The following DLG1 variants were observed in gnomAD, a reference collection of about 807,000 sequenced individuals.
The protein encoded by DLG1 is disks large homolog 1.
Under a neutral mutation model 123.4 loss-of-function variants are expected in DLG1, and 42 were observed. The ratio of observed to expected loss-of-function variants is 0.34; its 90% CI spans 0.27 to 0.44. DLG1 has a LOEUF of 0.44. Among genes scored for constraint, DLG1 ranks in the 20% least tolerant of loss-of-function variants. DLG1 has a pLI of 1.00. For missense variants in DLG1, 942 were observed against 1,082.6 expected (o/e 0.87, Z 1.82); for synonymous variants, 317 against 356.2 (o/e 0.89, Z 1.24).
rs374871639 is a variant in DLG1, at chr3:197,069,284, A to C, written c.2006-24T>G. 1.9e-6 allele frequency: 3 copies of C among 1,552,680 alleles called. No homozygotes were observed. In the South Asian group the frequency reaches 3.6e-5, roughly 18 times the overall value. On this transcript the variant is annotated intron_variant, in intron 18 of 24. Transcript: ENST00000667157. ...CTCTGAAATTGCAGGACAATGAAAA[A>C]AAATAAAACAGTGTCATGAGTTTAA...
chr3:197,283,336 T>C (rs893653320), intron 3 of DLG1, among the ~76,000 whole-genome samples: 7 of 152,174 alleles, frequency 4.6e-5, no homozygotes, highest in African/African-American at 1.7e-4. Context: ...GTGGTTTTAA[T>C]TGCCCTTCTA....
In DLG1 at chr3:197,044,652, T is replaced by C. The variant is rs1721679523; in HGVS notation, c.2653A>G (p.Ile885Val). ...QIIEEQSGSY[I>V]WVPAKEKL ...AGCTTTTCTTTTGCCGGAACCCAGA[T>C]GTAAGAACCAGATTGTTCTTCTATG... is the stretch of plus-strand genomic sequence containing the variant. The change falls in exon 25 of 25, where the codon ATC (isoleucine) becomes GTC (valine). Residue 885 changes from isoleucine (I) to valine (V), a missense_variant. Ile to Val is a conservative substitution (Grantham distance 29). Coordinates refer to ENST00000667157, the MANE Select transcript of DLG1 (RefSeq NM_001366207.1). 1.2e-6 allele frequency: 2 copies of C among 1,609,868 alleles called. No homozygotes were observed. Among genetic ancestry groups the C allele is most frequent in the East Asian group, 2.2e-5 (1 of 44,656 alleles).
chr3:197,267,045 C>G (rs1020527874), intron 4 of DLG1, among the ~76,000 whole-genome samples: 1 of 152,120 alleles, frequency 6.6e-6, no homozygotes, highest in African/African-American at 2.4e-5. Flanking sequence ...AAATTCAAGA[C>G]AGAGGTTAAT....
At chr3:197,184,855 A>G (rs1175299947) in intron 5 of DLG1, among the ~76,000 whole-genome samples, 1 of 152,208 alleles carries the variant, frequency 6.6e-6, no homozygotes, top group Non-Finnish European at 1.5e-5. Flanking sequence ...ACATATTCTA[A>G]CATCTAATAT....
intron 4 of DLG1, among the ~76,000 whole-genome samples, chr3:197,255,460 T>TA (rs1164134780): frequency 6.6e-6 from 1 of 152,178 alleles, no homozygotes; most frequent in Admixed American, 6.5e-5. Context: ...TTTGTCCTAT[T>TA]AAACAAAAAC....
At chr3:197,222,689 G>A (rs918456723) in intron 4 of DLG1, among the ~76,000 whole-genome samples, 3 of 152,142 alleles carry the variant, frequency 2.0e-5, no homozygotes, top group Non-Finnish European at 4.4e-5. Flanking sequence ...CAATAAAATA[G>A]AATCGCCAAG....
At chr3:197,126,221 A>G (rs1309845766) in intron 11 of DLG1, among the ~76,000 whole-genome samples, 1 of 152,182 alleles carries the variant, frequency 6.6e-6, no homozygotes, top group Non-Finnish European at 1.5e-5. Flanking sequence ...CATGCCTATA[A>G]TCCCAGCGCT....
chr3:197,138,054 G>T (rs952749042), intron 9 of DLG1, among the ~76,000 whole-genome samples, 168 bp downstream of exon 9: 1 of 151,804 alleles, frequency 6.6e-6, no homozygotes, highest in Non-Finnish European at 1.5e-5. Context: ...ATTCTAAAAT[G>T]CTACGTAAGA....
chr3:197,189,414 CAT>C (rs1717981661), intron 5 of DLG1, among the ~76,000 whole-genome samples: 1 of 151,938 alleles, frequency 6.6e-6, no homozygotes, highest in Non-Finnish European at 1.5e-5. Context: ...TAGGAAAAAA[CAT>C]TAACATATTA....
At chr3:197,216,175 A>T (rs1180000485) in intron 4 of DLG1, among the ~76,000 whole-genome samples, 1 of 152,258 alleles carries the variant, frequency 6.6e-6, no homozygotes, top group Non-Finnish European at 1.5e-5. Context: ...TTTACATATG[A>T]ATAAAATTCA....
intron 4 of DLG1, among the ~76,000 whole-genome samples, chr3:197,269,787 A>G (rs1384216341): frequency 6.6e-6 from 1 of 152,222 alleles, no homozygotes; most frequent in African/African-American, 2.4e-5. Context: ...ATTACAATGT[A>G]TGTGATGTGC....
At position 197,227,516 on chromosome 3, in the gene DLG1, T is replaced by C. The variant is rs528255992; in HGVS notation, c.319-32927A>G. 2.5e-3 allele frequency among the ~76,000 whole-genome samples: 376 copies of C among 152,100 alleles called. 1 individual carries two copies. The highest frequency in any genetic ancestry group is 4.0e-3 in the Non-Finnish European group (275 of 67,980). Reference sequence around the variant, plus strand: ...AACAAAAAACAAAAACAAGAACAATTTTACAAAACTAAAATTATCAATTCA... The same window carrying C: ...AACAAAAAACAAAAACAAGAACAATCTTACAAAACTAAAATTATCAATTCA... On this transcript the variant is annotated intron_variant, in intron 4 of 24. Coordinates refer to ENST00000667157, the MANE Select transcript of DLG1 (RefSeq NM_001366207.1).
At chr3:197,184,558 TG>T (rs1714637862) in intron 5 of DLG1, among the ~76,000 whole-genome samples, 1 of 152,230 alleles carries the variant, frequency 6.6e-6, no homozygotes, top group African/African-American at 2.4e-5. Context: ...TTTTATGTAA[TG>T]TATTGGTTTT....
chr3:197,215,646 T>C, intron 4 of DLG1, among the ~76,000 whole-genome samples: 1 of 152,120 alleles, frequency 6.6e-6, no homozygotes, highest in Non-Finnish European at 1.5e-5. Context: ...CATATCCTAA[T>C]GTGCTGAACC....
intron 8 of DLG1, 102 bp from the exon 9 acceptor site, chr3:197,138,493 A>G: frequency 2.1e-6 from 1 of 473,480 alleles, no homozygotes; most frequent in Non-Finnish European, 3.1e-6. Context: ...AGGTAAAGAG[A>G]ATTATAAATA....
At chr3:197,192,434 C>T (rs1720113226) in intron 5 of DLG1, among the ~76,000 whole-genome samples, 1 of 151,076 alleles carries the variant, frequency 6.6e-6, no homozygotes, top group Non-Finnish European at 1.5e-5. Flanking sequence ...ACTAGAAAAA[C>T]AAGAAAACAG....
intron 5 of DLG1, among the ~76,000 whole-genome samples, chr3:197,155,624 T>TA (rs1316523138): frequency 0.013 from 1,889 of 143,036 alleles, 20 homozygotes; most frequent in African/African-American, 0.026. Context: ...TTTTCAAATT[T>TA]AAAAAAAAAA....
intron 19 of DLG1, 112 bp downstream of exon 19, chr3:197,069,107 A>G (rs1266712618): frequency 5.0e-6 from 3 of 602,510 alleles, no homozygotes; most frequent in East Asian, 6.5e-5. Flanking sequence ...TGATTTTAAA[A>G]TAACGATCAT....
At chr3:197,126,832 T>C (rs1049285400) in intron 11 of DLG1, among the ~76,000 whole-genome samples, 1 of 152,210 alleles carries the variant, frequency 6.6e-6, no homozygotes, top group Non-Finnish European at 1.5e-5. Context: ...GGGCAGTATG[T>C]AGATTTCAAA....
Sources: gnomAD v4.1 joint callset for allele counts (sites outside exome capture counted in the v4.1 genomes callset) on GRCh38, gnomAD v4.1.1 for gene constraint, MANE v1.5 for transcripts, NCBI Gene and HGNC (gene_info 2026-07-23, HGNC 2026-07-21) for gene names.